The following GLYATL2 variants were observed in gnomAD, a reference collection of about 807,000 sequenced individuals.
GLYATL2 encodes the protein glycine-N-acyltransferase like 2.
Under a neutral mutation model 21.4 loss-of-function variants are expected in GLYATL2, and 25 were observed. The ratio of observed to expected loss-of-function variants is 1.17; its 90% CI spans 0.85 to 1.63. The LOEUF (loss-of-function observed/expected upper bound fraction) is 1.63. GLYATL2 is among the 40% of genes most tolerant of loss of function. The pLI is 0.00. For missense variants in GLYATL2, 361 were observed against 343.3 expected, an observed-to-expected ratio of 1.05 and a Z score of -0.41; for synonymous variants, 114 against 118.2, an observed-to-expected ratio of 0.96 and a Z score of 0.23.
At chr11:58,897,133 G>A (rs1053662253) in intron 1 of GLYATL2, among the ~76,000 whole-genome samples, 1 of 152,218 alleles carries the variant, frequency 6.6e-6, no homozygotes. Flanking sequence ...CCACTTGGGA[G>A]AATGGACAGC....
chr11:58,905,539 G>C, upstream of GLYATL2: 1 of 456,284 alleles, frequency 2.2e-6, no homozygotes, highest in Non-Finnish European at 4.4e-6. Flanking sequence ...GAAAAAGCGC[G>C]AAACCGCCAG....
chr11:58,845,100 A>G (rs77406487), upstream of GLYATL2, among the ~76,000 whole-genome samples: 792 of 152,244 alleles, frequency 5.2e-3, 7 homozygotes, highest in African/African-American at 0.018. Flanking sequence ...AGAGACAAAC[A>G]TTGTTTTTCA....
intron 1 of GLYATL2, among the ~76,000 whole-genome samples, chr11:58,867,777 G>A (rs963316934): frequency 2.7e-5 from 4 of 148,892 alleles, no homozygotes; most frequent in African/African-American, 9.7e-5. Flanking sequence ...CCTCAAGGCC[G>A]TGACACATAA....
At chr11:58,876,826 G>C (rs1190911757) in intron 1 of GLYATL2, among the ~76,000 whole-genome samples, 3 of 152,220 alleles carry the variant, frequency 2.0e-5, no homozygotes, top group African/African-American at 7.2e-5. Context: ...TGTCAGACAA[G>C]GACATTTAAG....
At chr11:58,873,944 A>G (rs1242788768) in intron 1 of GLYATL2, among the ~76,000 whole-genome samples, 1 of 152,268 alleles carries the variant, frequency 6.6e-6, no homozygotes, top group African/African-American at 2.4e-5. Flanking sequence ...TAAGCTATTA[A>G]TTATTGCCTC....
intron 1 of GLYATL2, among the ~76,000 whole-genome samples, chr11:58,875,443 A>T (rs1244968824): frequency 6.6e-6 from 1 of 152,010 alleles, no homozygotes; most frequent in Non-Finnish European, 1.5e-5. Context: ...GTTCCTTTCC[A>T]TGTTTAGTGC....
upstream of GLYATL2, chr11:58,905,500 G>T (rs773821426): frequency 2.2e-6 from 1 of 456,272 alleles, no homozygotes; most frequent in Non-Finnish European, 4.4e-6. Flanking sequence ...TCTCCTCAGC[G>T]CGCTGCTCCC....
chr11:58,889,736 T>A lies in GLYATL2; in HGVS notation n.60+14420A>T, dbSNP rs117787570. On this transcript the variant is annotated intron_variant and non_coding_transcript_variant, in intron 1 of 4. Coordinates refer to the GLYATL2 transcript ENST00000533636. Reference sequence around the variant, plus strand: ...ACAAACTGTTCATGTTCACATCCTTTTGATATACTACCGAATATTTTATTC... The same window carrying A: ...ACAAACTGTTCATGTTCACATCCTTATGATATACTACCGAATATTTTATTC... Among the ~76,000 whole-genome samples, 347 of 152,260 alleles carry A rather than the reference T, an allele frequency of 2.3e-3. 5 individuals are homozygous for A. The South Asian group carries it at 0.034, about 15-fold the overall frequency.
At chr11:58,860,407 A>G (rs1853910759) in intron 1 of GLYATL2, among the ~76,000 whole-genome samples, 1 of 152,024 alleles carries the variant, frequency 6.6e-6, no homozygotes, top group South Asian at 2.1e-4. Flanking sequence ...CAGATCTTTC[A>G]CTGTTAGTGT....
chr11:58,853,658 C>G (rs960362699), intron 1 of GLYATL2, among the ~76,000 whole-genome samples: 7 of 151,900 alleles, frequency 4.6e-5, no homozygotes, highest in African/African-American at 1.5e-4. Flanking sequence ...ATATTTTTTT[C>G]GTAGTGAATA....
intron 1 of GLYATL2, among the ~76,000 whole-genome samples, chr11:58,872,277 T>G: frequency 6.6e-6 from 1 of 152,224 alleles, no homozygotes; most frequent in Non-Finnish European, 1.5e-5. Flanking sequence ...GTGCAGAAGC[T>G]CTTTAGTTTA....
chr11:58,848,627 A>G (rs1853685211), upstream of GLYATL2, among the ~76,000 whole-genome samples: 1 of 152,208 alleles, frequency 6.6e-6, no homozygotes, highest in Non-Finnish European at 1.5e-5. Context: ...GTGAGCTTGA[A>G]GACAGGCTAT....
At chr11:58,858,420 T>C (rs1401573345) in intron 1 of GLYATL2, among the ~76,000 whole-genome samples, 3 of 152,192 alleles carry the variant, frequency 2.0e-5, no homozygotes, top group Non-Finnish European at 4.4e-5. Flanking sequence ...TGCTTTGTTA[T>C]AAATTTTTAC....
chr11:58,863,040 G>C (rs536438302), intron 1 of GLYATL2, among the ~76,000 whole-genome samples: 2 of 152,212 alleles, frequency 1.3e-5, no homozygotes, highest in African/African-American at 4.8e-5. Context: ...CTTCAGGCAG[G>C]CTAGCCTGGT....
chr11:58,851,208 C>G (rs536443393), intron 1 of GLYATL2, among the ~76,000 whole-genome samples: 1 of 152,274 alleles, frequency 6.6e-6, no homozygotes, highest in African/African-American at 2.4e-5. Flanking sequence ...TAGTGGTCCC[C>G]CGGGCCCAGT....
intron 1 of GLYATL2, among the ~76,000 whole-genome samples, chr11:58,900,708 A>G (rs1428469559): frequency 6.6e-6 from 1 of 152,162 alleles, no homozygotes; most frequent in Non-Finnish European, 1.5e-5. Context: ...TAACAGGTGT[A>G]TCTTCAGCCA....
At chr11:58,894,071 CTTG>C (rs1471348902) in intron 1 of GLYATL2, among the ~76,000 whole-genome samples, 1 of 152,176 alleles carries the variant, frequency 6.6e-6, no homozygotes, top group African/African-American at 2.4e-5. Context: ...GGAAATGACA[CTTG>C]TTGTGCCTCC....
chr11:58,855,617 C>A (rs1205902431), intron 1 of GLYATL2, among the ~76,000 whole-genome samples: 1 of 152,224 alleles, frequency 6.6e-6, no homozygotes, highest in Non-Finnish European at 1.5e-5. Context: ...AGAAAGTCAG[C>A]CTGTCCTTTG....
chr11:58,878,396 G>A (rs998106928), intron 1 of GLYATL2: 28 of 598,446 alleles, frequency 4.7e-5, no homozygotes, highest in East Asian at 1.2e-4. Flanking sequence ...GCTCCCTCTC[G>A]CATTTTGGAT....
Sources: allele counts gnomAD v4.1 joint callset (sites outside exome capture counted in the v4.1 genomes callset), GRCh38; gene constraint gnomAD v4.1.1; transcripts MANE v1.5; gene names NCBI Gene and HGNC (gene_info 2026-07-23, HGNC 2026-07-21).